The following SPAG16 variants were observed in gnomAD, a reference collection of about 807,000 sequenced individuals.
SPAG16 encodes the protein sperm associated antigen 16.
Under a neutral mutation model 80.4 loss-of-function variants are expected in SPAG16, and 86 were observed. That is an observed-to-expected ratio of 1.07 (90% CI 0.90 to 1.28). The LOEUF is 1.28. Ranked by LOEUF, SPAG16 falls within the 50% of genes most tolerant of loss-of-function variation. SPAG16 has a pLI of 0.00. For missense variants in SPAG16, 870 were observed against 765.3 expected, an observed-to-expected ratio of 1.14 and a Z score of -1.61; for synonymous variants, 294 against 265.9, an observed-to-expected ratio of 1.11 and a Z score of -1.03.
At chr2:214,186,578 T>A (rs56258457) in intron 15 of SPAG16, among the ~76,000 whole-genome samples, 45,244 of 151,540 alleles carry the variant, frequency 0.3, 8,389 homozygotes, top group Non-Finnish European at 0.41. Context: ...TCCCCCTCCT[T>A]CCACTGAAAT....
intron 10 of SPAG16, among the ~76,000 whole-genome samples, chr2:213,820,455 G>A (rs1473900613): frequency 6.6e-6 from 1 of 152,034 alleles, no homozygotes; most frequent in Non-Finnish European, 1.5e-5. Context: ...TTCAAATTAG[G>A]ACTGGGGTGA....
chr2:214,179,878 T>C (rs974763281), intron 15 of SPAG16, among the ~76,000 whole-genome samples: 9 of 151,524 alleles, frequency 5.9e-5, no homozygotes, highest in African/African-American at 2.2e-4. Context: ...GCTTAGAATT[T>C]AACAGTTTAT....
chr2:213,631,319 T>C (rs2062143276), intron 10 of SPAG16, among the ~76,000 whole-genome samples: 1 of 152,172 alleles, frequency 6.6e-6, no homozygotes. Flanking sequence ...AAACACTCGG[T>C]GGTAAACATA....
intron 15 of SPAG16, among the ~76,000 whole-genome samples, chr2:214,295,772 CAGAACAAGACTGTCTCAAAAAA>C (rs1694089037): frequency 6.6e-6 from 1 of 151,772 alleles, no homozygotes; most frequent in Non-Finnish European, 1.5e-5. Flanking sequence ...GCCTGGGCCA[CAGAACAAGACTGTCTCAAAAAA>C]AAAGGGAAAA....
intron 10 of SPAG16, among the ~76,000 whole-genome samples, chr2:213,529,443 C>T (rs887333637): frequency 6.6e-6 from 1 of 152,148 alleles, no homozygotes; most frequent in African/African-American, 2.4e-5. Context: ...ATGGGCTCTC[C>T]TTGGCCATGT....
chr2:214,340,209 T>C (rs967822251), intron 15 of SPAG16, among the ~76,000 whole-genome samples: 3 of 152,218 alleles, frequency 2.0e-5, no homozygotes, highest in Admixed American at 6.5e-5. Flanking sequence ...TCTTTGACGA[T>C]AGACCCACAC....
intron 11 of SPAG16, among the ~76,000 whole-genome samples, chr2:213,913,256 T>A (rs2077761031): frequency 6.6e-6 from 1 of 152,164 alleles, no homozygotes; most frequent in Non-Finnish European, 1.5e-5. Context: ...TATGTGACTT[T>A]TCCCACATAT....
rs1692054561 is a variant in SPAG16 at position 214,271,902 on chromosome 2, G to C, written c.1720+122636G>C. 2.0e-5 allele frequency among the ~76,000 whole-genome samples: 3 copies of C among 151,634 alleles called. No homozygotes were observed. In the South Asian group the frequency reaches 6.3e-4, roughly 32 times the overall value. On this transcript the variant is annotated intron_variant, in intron 15 of 15. Coordinates refer to ENST00000331683, the MANE Select transcript of SPAG16 (RefSeq NM_024532.5). ...GAATAGCAGGAGTCTGTTTTTATAG[G>C]AATGTCATTTGAGCTTAACAGATCT...
intron 15 of SPAG16, among the ~76,000 whole-genome samples, chr2:214,260,971 G>T (rs921264639): frequency 5.3e-5 from 8 of 151,716 alleles, no homozygotes; most frequent in Non-Finnish European, 1.0e-4. Context: ...GCCGGGCGTG[G>T]TGGTGGGCAC....
chr2:213,689,023 G>C (rs1343971367), intron 10 of SPAG16, among the ~76,000 whole-genome samples: 2 of 152,112 alleles, frequency 1.3e-5, no homozygotes, highest in East Asian at 3.9e-4. Flanking sequence ...GCAGTGGCTC[G>C]ATCTTGGCCC....
chr2:214,055,810 T>G (rs888221154), intron 13 of SPAG16, among the ~76,000 whole-genome samples: 4 of 152,296 alleles, frequency 2.6e-5, no homozygotes, highest in Admixed American at 6.5e-5. Context: ...GGAGCACATT[T>G]CTTGTTTTAT....
intron 11 of SPAG16, among the ~76,000 whole-genome samples, chr2:213,906,874 A>G (rs2077455343): frequency 6.6e-6 from 1 of 152,334 alleles, no homozygotes; most frequent in South Asian, 2.1e-4. Context: ...AATGGATTAA[A>G]GGCTTAAATA....
chr2:213,933,697 G>C (rs1226813476), intron 12 of SPAG16, among the ~76,000 whole-genome samples: 1 of 152,198 alleles, frequency 6.6e-6, no homozygotes, highest in African/African-American at 2.4e-5. Context: ...ACAGCTTCTT[G>C]ACCCCTAATG....
At chr2:213,388,539 C>T (rs1462101450) in intron 9 of SPAG16, among the ~76,000 whole-genome samples, 1 of 152,122 alleles carries the variant, frequency 6.6e-6, no homozygotes, top group Non-Finnish European at 1.5e-5. Context: ...GTTACTGATC[C>T]TTGACCAGAG....
At chr2:214,014,663 G>A (rs1359364189) in intron 13 of SPAG16, among the ~76,000 whole-genome samples, 1 of 152,176 alleles carries the variant, frequency 6.6e-6, no homozygotes, top group Non-Finnish European at 1.5e-5. Context: ...TGTTCTGACA[G>A]TAATGATATA....
intron 5 of SPAG16, chr2:213,317,954 A>T (rs1248738722): frequency 6.4e-6 from 1 of 155,300 alleles, no homozygotes; most frequent in African/African-American, 2.4e-5. Flanking sequence ...TGCTCTAAAA[A>T]TAAAGTTTAT....
chr2:213,779,575 C>T (rs1288958971), intron 10 of SPAG16, among the ~76,000 whole-genome samples: 2 of 152,062 alleles, frequency 1.3e-5, no homozygotes, highest in Non-Finnish European at 2.9e-5. Flanking sequence ...GAGAGGTAAC[C>T]GCTCCTTCAA....
intron 15 of SPAG16, among the ~76,000 whole-genome samples, chr2:214,376,520 A>G (rs1700141753): frequency 6.6e-6 from 1 of 152,190 alleles, no homozygotes; most frequent in African/African-American, 2.4e-5. Context: ...AACAGTTCAA[A>G]ATAATAGGAC....
At position 214,152,438 on chromosome 2, in the gene SPAG16, T is replaced by A. The variant is rs149574455; in HGVS notation, c.1720+3172T>A. On this transcript the variant is annotated intron_variant, in intron 15 of 15. Coordinates refer to ENST00000331683, the MANE Select transcript of SPAG16 (RefSeq NM_024532.5). ...CATTACCTATTTCTCCTCATGGAAA[T>A]AATGGAAGAGACAATTGCCTTGCAG... is the stretch of plus-strand genomic sequence containing the variant. Among the ~76,000 whole-genome samples the A allele has an allele frequency of 7.7e-3, 1,172 of 152,224 alleles. 10 individuals carry two copies. The highest frequency in any genetic ancestry group is 0.031 in the Middle Eastern group (9 of 294).
Sources: allele counts gnomAD v4.1 joint callset (sites outside exome capture counted in the v4.1 genomes callset), GRCh38; gene constraint gnomAD v4.1.1; transcripts MANE v1.5; gene names NCBI Gene and HGNC (gene_info 2026-07-23, HGNC 2026-07-21).